Variants in ODF2L observed in about 807,000 individuals in gnomAD.
ODF2L encodes protein BCAP.
ODF2L carries 76 observed loss-of-function variants against 86.3 expected under a neutral mutation model. The observed-to-expected ratio is 0.88, with a 90% confidence interval of 0.73 to 1.07. ODF2L has a LOEUF of 1.07. Among genes scored for constraint, ODF2L ranks in the 50% least tolerant of loss-of-function variants. ODF2L has a pLI of 0.00. For synonymous variants in ODF2L, 241 were observed against 231.3 expected, an observed-to-expected ratio of 1.04 and a Z score of -0.38; for missense variants, 748 against 717.4, an observed-to-expected ratio of 1.04 and a Z score of -0.49.
exon 15 of ODF2L, chr1:86,354,856 C>T (rs1257666567): frequency 1.3e-6 from 2 of 1,577,444 alleles, no homozygotes; most frequent in Non-Finnish European, 1.7e-6. Context: ...TGATTTCCAT[C>T]AACCTAAAAG....
chr1:86,385,338 TCA>T, intron 3 of ODF2L, 118 bp downstream of exon 3: 1 of 580,010 alleles, frequency 1.7e-6, no homozygotes, highest in Non-Finnish European at 3.0e-6. Flanking sequence ...TGATAAACCC[TCA>T]TTTTTGGTAT....
At chr1:86,385,705 C>A in intron 2 of ODF2L, 115 bp from the exon 3 acceptor site, 1 of 666,162 alleles carries the variant, frequency 1.5e-6, no homozygotes, top group South Asian at 2.5e-5. Context: ...ACTTTTAGTT[C>A]AAAAGTAGCT....
intron 11 of ODF2L, among the ~76,000 whole-genome samples, chr1:86,365,323 T>A (rs1007740732): frequency 5.9e-5 from 9 of 152,176 alleles, no homozygotes; most frequent in African/African-American, 1.9e-4. Flanking sequence ...TCCAGAGTCA[T>A]TTACTAAATG....
At chr1:86,354,457 G>T in intron 16 of ODF2L, 73 bp downstream of exon 15, 1 of 951,666 alleles carries the variant, frequency 1.1e-6, no homozygotes, top group Non-Finnish European at 1.6e-6. Flanking sequence ...AATAACTACA[G>T]GTTGCAAGAT....
intron 12 of ODF2L, 22 bp downstream of exon 11, chr1:86,360,404 C>G (rs746880478): frequency 1.1e-5 from 12 of 1,065,846 alleles, no homozygotes; most frequent in South Asian, 9.6e-5. Context: ...TTAGTAAACA[C>G]TAAAATAAAT....
At chr1:86,385,789 A>G (rs1270858980) in intron 2 of ODF2L, 199 bp from the exon 3 acceptor site, 4 of 415,700 alleles carry the variant, frequency 9.6e-6, no homozygotes, top group Middle Eastern at 6.3e-4. Flanking sequence ...GTACGTAATC[A>G]CAAAAGTTAT....
chr1:86,387,101 A>C lies in ODF2L; in HGVS notation c.-59-15T>G, dbSNP rs1661007160. ...TAAGCTGAAAGCTAGGAAATATTTT[A>C]GTTATTAAATTTATTTCAATAGAGT... On this transcript the variant is annotated splice_polypyrimidine_tract_variant and intron_variant, in intron 1 of 17. Transcript: ENST00000317336. 1 of 675,582 alleles carries C rather than the reference A, an allele frequency of 1.5e-6. No homozygotes were observed. 41.8% of individuals were successfully genotyped at this position (675,582 alleles called of 1,614,324 possible).
chr1:86,370,984 A>C, intron 10 of ODF2L, 34 bp downstream of exon 10: 1 of 1,422,454 alleles, frequency 7.0e-7, no homozygotes, highest in South Asian at 1.7e-5. Context: ...GTCATTACAC[A>C]ATACATGCCT....
At chr1:86,385,349 A>G (rs1660870506) in intron 3 of ODF2L, 109 bp downstream of exon 3, 1 of 611,430 alleles carries the variant, frequency 1.6e-6, no homozygotes, top group Non-Finnish European at 2.8e-6. Flanking sequence ...CATTTTTGGT[A>G]TGAAATACTC....
chr1:86,351,961 C>A, exon 18 of ODF2L: 1 of 1,235,332 alleles, frequency 8.1e-7, no homozygotes. Context: ...CACAAAAAAA[C>A]AGCACACACA....
At chr1:86,382,959 T>G (rs753479792) in exon 6 of ODF2L, 1 of 1,571,786 alleles carries the variant, frequency 6.4e-7, no homozygotes, top group South Asian at 1.1e-5. Flanking sequence ...ACAAGAAAGT[T>G]CTTGGATATG....
At chr1:86,395,469 T>C (rs1287982316) in intron 1 of ODF2L, among the ~76,000 whole-genome samples, 1 of 152,146 alleles carries the variant, frequency 6.6e-6, no homozygotes, top group Non-Finnish European at 1.5e-5. Flanking sequence ...CACAGCGGGT[T>C]CAGTGGCAGA....
rs1570447574 is a variant in ODF2L at position 86,392,935 on chromosome 1, A to G, written c.-60+3098T>C. On this transcript the variant is annotated intron_variant, in intron 1 of 17. Coordinates refer to ENST00000317336, the Ensembl canonical transcript of ODF2L. ...ATTTTGCCAGTCTACTGCCAAGAGGACATGTACTTAAAGCTTTTTCCAGGA... is the reference window on the plus strand; with the variant it reads ...ATTTTGCCAGTCTACTGCCAAGAGGGCATGTACTTAAAGCTTTTTCCAGGA... Among the ~76,000 whole-genome samples the G allele has an allele frequency of 2.6e-5, 4 of 152,306 alleles. 1 individual carries two copies. In the South Asian group the frequency reaches 8.3e-4, roughly 32 times the overall value.
chr1:86,371,278 A>C, intron 9 of ODF2L, 125 bp from the exon 10 acceptor site: 1 of 481,530 alleles, frequency 2.1e-6, no homozygotes, highest in Non-Finnish European at 3.6e-6. Flanking sequence ...ATATACAAAA[A>C]ATAAATAGAA....
chr1:86,364,743 T>C (rs879697228), intron 11 of ODF2L, among the ~76,000 whole-genome samples: 3 of 152,168 alleles, frequency 2.0e-5, no homozygotes, highest in African/African-American at 7.2e-5. Flanking sequence ...GCCTCTATTC[T>C]AGATCATGAG....
chr1:86,370,066 T>C (rs757073919), intron 10 of ODF2L, among the ~76,000 whole-genome samples: 19 of 151,924 alleles, frequency 1.3e-4, no homozygotes, highest in Non-Finnish European at 2.8e-4. Context: ...AGTAATTATG[T>C]TTCCAAGAAA....
At chr1:86,376,301 C>T in exon 8 of ODF2L, 1 of 1,612,738 alleles carries the variant, frequency 6.2e-7, no homozygotes, top group Admixed American at 1.7e-5. Flanking sequence ...TGTTTGTAAA[C>T]TTTAGATGCC....
intron 11 of ODF2L, among the ~76,000 whole-genome samples, chr1:86,366,605 C>CAAAAAA (rs10659852): frequency 2.6e-4 from 36 of 138,160 alleles, no homozygotes; most frequent in Non-Finnish European, 4.7e-4. Context: ...GACTCTGTCT[C>CAAAAAA]AAAAAAAAAA....
chr1:86,363,753 A>T (rs1383015681), intron 11 of ODF2L, among the ~76,000 whole-genome samples: 1 of 151,962 alleles, frequency 6.6e-6, no homozygotes, highest in Non-Finnish European at 1.5e-5. Flanking sequence ...GGTGATTTAA[A>T]TTTTTTTCCT....
Sources: gnomAD v4.1 joint callset for allele counts (sites outside exome capture counted in the v4.1 genomes callset) on GRCh38, gnomAD v4.1.1 for gene constraint, MANE v1.5 for transcripts, NCBI Gene and HGNC (gene_info 2026-07-23, HGNC 2026-07-21) for gene names.